The following NT5DC3 variants were observed in gnomAD, a reference collection of about 807,000 sequenced individuals.
The protein encoded by NT5DC3 is 5'-nucleotidase domain-containing protein 3.
NT5DC3 carries 42 observed loss-of-function variants against 67.8 expected under a neutral mutation model. The ratio of observed to expected loss-of-function variants is 0.62; its 90% CI spans 0.48 to 0.80. The LOEUF (loss-of-function observed/expected upper bound fraction) is 0.80, where lower values mean the gene tolerates loss of function less well. Ranked by LOEUF, NT5DC3 falls within the 30% of genes least tolerant of loss-of-function variation. The probability of loss-of-function intolerance (pLI) is 0.00; values close to 1 mark genes in which losing one functional copy is unlikely to be tolerated. For missense variants in NT5DC3, 570 were observed against 696.4 expected (o/e 0.82, Z 2.04); for synonymous variants, 237 against 255.6 (o/e 0.93, Z 0.69).
intron 1 of NT5DC3, 84 bp downstream of exon 1, chr12:103,840,864 TG>T: frequency 1.5e-6 from 1 of 682,206 alleles, no homozygotes; most frequent in Non-Finnish European, 2.1e-6. Flanking sequence ...GCAGCTGGGC[TG>T]GTCCGGGTCC....
In NT5DC3 at chr12:103,772,614, G is replaced by A. The variant is rs2139285561; in HGVS notation, c.*5215C>T. 6.6e-6 allele frequency: 1 copy of A among 152,574 alleles called. No homozygotes were observed. Among genetic ancestry groups the A allele is most frequent in the Admixed American group, 6.5e-5 (1 of 15,306 alleles). 9.5% of individuals were successfully genotyped at this position (152,574 alleles called of 1,614,324 possible). A position where few individuals can be genotyped will look rare whatever the true frequency, so the allele number is the denominator to read the frequency against. On this transcript the variant is annotated 3_prime_UTR_variant, in exon 14 of 14. Transcript: ENST00000392876. ...GGTTCATAGGACAGTGCTGTGGGCT[G>A]AGCCGGCTGGGTACAGGCTTGTCAG...
chr12:103,753,119 G>GTA, the NT5DC3 span: 8 of 1,473,964 alleles, frequency 5.4e-6, no homozygotes, highest in African/African-American at 8.3e-5. Context: ...ACACCCTGGG[G>GTA]TATAGCTGGC....
chr12:103,769,442 G>T (rs953153082), downstream of NT5DC3, among the ~76,000 whole-genome samples: 1 of 152,200 alleles, frequency 6.6e-6, no homozygotes, highest in Non-Finnish European at 1.5e-5. Context: ...AAACACCAGC[G>T]GAAAACTCCG....
At chr12:103,769,411 C>T (rs1344024592), downstream of NT5DC3, among the ~76,000 whole-genome samples, 1 of 152,198 alleles carries the variant, frequency 6.6e-6, no homozygotes. Flanking sequence ...AACTTGGTTC[C>T]CCACTCCTGA....
At chr12:103,806,736 T>C (rs1886816078) in intron 3 of NT5DC3, 119 bp downstream of exon 3, 1 of 661,940 alleles carries the variant, frequency 1.5e-6, no homozygotes, top group Non-Finnish European at 2.7e-6. Flanking sequence ...AATTTGGTTC[T>C]GCAGTCCCAA....
intron 4 of NT5DC3, among the ~76,000 whole-genome samples, chr12:103,801,724 GA>G (rs1297621970): frequency 6.6e-6 from 1 of 152,116 alleles, no homozygotes; most frequent in African/African-American, 2.4e-5. Context: ...TTAGGGCAGA[GA>G]AAGGCTGTTT....
At chr12:103,784,947 G>A (rs764570569) in intron 12 of NT5DC3, among the ~76,000 whole-genome samples, 6 of 152,096 alleles carry the variant, frequency 3.9e-5, no homozygotes, top group Non-Finnish European at 8.8e-5. Flanking sequence ...TGAAGTTTTC[G>A]TTCCAGCGGC....
At chr12:103,834,581 C>T (rs1427400319) in intron 1 of NT5DC3, among the ~76,000 whole-genome samples, 1 of 152,084 alleles carries the variant, frequency 6.6e-6, no homozygotes, top group East Asian at 1.9e-4. Flanking sequence ...AGTATTGGTT[C>T]ATTAATTGGA....
intron 3 of NT5DC3, 52 bp downstream of exon 3, chr12:103,806,803 T>A (rs1886819169): frequency 8.5e-7 from 1 of 1,180,490 alleles, no homozygotes; most frequent in East Asian, 2.3e-5. Flanking sequence ...CAACAGTACA[T>A]TTCATTTCCA....
intron 10 of NT5DC3, among the ~76,000 whole-genome samples, chr12:103,788,042 ATGTATTCATATTTT>A (rs1222091127): frequency 6.6e-6 from 1 of 152,230 alleles, no homozygotes; most frequent in Non-Finnish European, 1.5e-5. Flanking sequence ...CCCACCAAGA[ATGTATTCATATTTT>A]TAAAAAATGA....
the NT5DC3 span, among the ~76,000 whole-genome samples, chr12:103,764,275 T>C: frequency 1.2e-4 from 19 of 152,210 alleles, no homozygotes; most frequent in Non-Finnish European, 2.4e-4. Flanking sequence ...TAAACTTACT[T>C]ACACTGACAT....
At chr12:103,833,181 C>T (rs1888003450) in intron 1 of NT5DC3, among the ~76,000 whole-genome samples, 1 of 152,150 alleles carries the variant, frequency 6.6e-6, no homozygotes, top group South Asian at 2.1e-4. Flanking sequence ...AGCACTAAAC[C>T]TACTACCCCC....
chr12:103,814,883 C>A, intron 2 of NT5DC3, 54 bp downstream of exon 2: 1 of 1,389,930 alleles, frequency 7.2e-7, no homozygotes, highest in Admixed American at 2.2e-5. Flanking sequence ...CAGCTCAAGG[C>A]TGTTCTAAGA....
intron 10 of NT5DC3, 21 bp downstream of exon 10, chr12:103,788,817 G>T (rs759114953): frequency 2.0e-6 from 3 of 1,532,308 alleles, no homozygotes; most frequent in African/African-American, 1.4e-5. Flanking sequence ...CAACAAAAAG[G>T]ATCAGCTGGT....
chr12:103,839,818 G>A (rs897517518), intron 1 of NT5DC3, among the ~76,000 whole-genome samples: 3 of 152,062 alleles, frequency 2.0e-5, no homozygotes, highest in Admixed American at 1.3e-4. Context: ...GTCATTTTAC[G>A]TCCCCTCTGA....
chr12:103,759,166 G>C, the NT5DC3 span: 1 of 1,614,058 alleles, frequency 6.2e-7, no homozygotes, highest in African/African-American at 1.3e-5. Context: ...GCACCACCTC[G>C]CCAATGTCAG....
intron 1 of NT5DC3, among the ~76,000 whole-genome samples, chr12:103,818,698 T>G (rs552991852): frequency 2.7e-4 from 41 of 152,304 alleles, no homozygotes; most frequent in African/African-American, 9.1e-4. Flanking sequence ...GCTTTCATTT[T>G]TATTTTGCCA....
Position 103,775,106 on chromosome 12 carries a change from C to A in NT5DC3, c.*2723G>T, listed in dbSNP as rs1461570225. On this transcript the variant is annotated 3_prime_UTR_variant, in exon 14 of 14. Transcript: ENST00000392876. ...ATAATAAAGTGGGATGTGCCTCCAT[C>A]GTTCACATGGGAATGACTGTGTTCG... 6.6e-6 allele frequency: 1 copy of A among 152,022 alleles called. No homozygotes were observed. Among genetic ancestry groups the A allele is most frequent in the African/African-American group, 2.4e-5 (1 of 41,386 alleles). 9.4% of individuals were successfully genotyped at this position (152,022 alleles called of 1,614,324 possible). A position where few individuals can be genotyped will look rare whatever the true frequency, so the allele number is the denominator to read the frequency against.
intron 6 of NT5DC3, among the ~76,000 whole-genome samples, chr12:103,795,880 TC>T (rs1164873781): frequency 6.6e-6 from 1 of 152,206 alleles, no homozygotes; most frequent in Non-Finnish European, 1.5e-5. Context: ...AAACTGCAAC[TC>T]TATGTGAAAC....
Sources: allele counts gnomAD v4.1 joint callset (sites outside exome capture counted in the v4.1 genomes callset), GRCh38; gene constraint gnomAD v4.1.1; transcripts MANE v1.5; gene names NCBI Gene and HGNC (gene_info 2026-07-23, HGNC 2026-07-21).